The following TAAR5 variants were observed in gnomAD, a reference collection of about 807,000 sequenced individuals.
The protein encoded by TAAR5 is trace amine associated receptor 5, also known as trace amine-associated receptor 5.
TAAR5 carries 27 observed loss-of-function variants against 21.1 expected under a neutral mutation model. That is an observed-to-expected ratio of 1.28 (90% CI 0.94 to 1.76). TAAR5 has a LOEUF of 1.76. Among genes scored for constraint, TAAR5 ranks in the 40% most tolerant of loss-of-function variants. The pLI, the probability that TAAR5 is intolerant of heterozygous loss-of-function variation, is 0.00. For synonymous variants in TAAR5, 203 were observed against 167.5 expected (o/e 1.21, Z -1.64); for missense variants, 495 against 405.6 (o/e 1.22, Z -1.89).
chr6:132,588,639 G>A lies in TAAR5; in HGVS notation c.*34C>T, dbSNP rs750647276. ...ACAGTGCCACTTATCTTTCCTGTGA[G>A]GTCCTACTCCTTGCCTGCATTTAGT... On this transcript the variant is annotated 3_prime_UTR_variant, in exon 1 of 1. Coordinates refer to ENST00000258034, the MANE Select transcript of TAAR5 (RefSeq NM_003967.3). 1.9e-6 allele frequency: 3 copies of A among 1,574,262 alleles called. No individual in the cohort carries two copies. The highest frequency in any genetic ancestry group is 1.7e-5 in the Admixed American group (1 of 57,758).
At chr6:132,601,776 C>A in the TAAR5 span, among the ~76,000 whole-genome samples, 2 of 151,964 alleles carry the variant, frequency 1.3e-5, no homozygotes, top group Non-Finnish European at 2.9e-5. Flanking sequence ...GTAAAACAAC[C>A]AAGATTAAAA....
At chr6:132,604,412 C>T in the TAAR5 span, among the ~76,000 whole-genome samples, 1,480 of 151,916 alleles carry the variant, frequency 9.7e-3, 24 homozygotes, top group African/African-American at 0.034. Flanking sequence ...CAAAATGCTG[C>T]GATTACAGGC....
the TAAR5 span, among the ~76,000 whole-genome samples, chr6:132,601,010 AAGGAAGGG>A: frequency 4.9e-4 from 53 of 108,176 alleles, no homozygotes; most frequent in African/African-American, 1.1e-3. Context: ...GGAGGGAAGG[AAGGAAGGG>A]GGGAAGGAGG....
the TAAR5 span, among the ~76,000 whole-genome samples, chr6:132,603,404 T>C: frequency 6.6e-6 from 1 of 151,586 alleles, no homozygotes; most frequent in Non-Finnish European, 1.5e-5. Context: ...CAATATATGG[T>C]CATTCAAAAC....
Position 132,588,940 on chromosome 6 carries a change from T to G in TAAR5, c.747A>C (p.Lys249Asn), listed in dbSNP as rs1776857182. 2 of 1,613,946 alleles carry G rather than the reference T, an allele frequency of 1.2e-6. No homozygotes were observed. Among genetic ancestry groups the G allele is most frequent in the Admixed American group, 1.7e-5 (1 of 60,004 alleles). ...SLAGAAKHER[K>N]AAKTLGIAVG... ...CAGCAATGCCCAGGGTCTTGGCAGC[T>G]TTTCTCTCATGCTTGGCAGCCCCAG... Residue 249 changes from lysine to asparagine, a missense_variant, in exon 1 of 1, where the codon AAA becomes AAC. Lys to Asn is a moderately conservative substitution (Grantham distance 94, BLOSUM62 0). Transcript: ENST00000258034.
the TAAR5 span, chr6:132,594,985 T>C: frequency 6.6e-6 from 1 of 152,156 alleles, no homozygotes; most frequent in Non-Finnish European, 1.5e-5. Flanking sequence ...TAGAAAGAGT[T>C]CTATGACAGG....
chr6:132,588,708 G>A lies in TAAR5; in HGVS notation c.979C>T (p.Pro327Ser). ...TACAAATCAACAGTGCGTGTCTGCGGTGAGAAGACCTTCTGGCTCAGTGTG... is the reference window on the plus strand; with the variant it reads ...TACAAATCAACAGTGCGTGTCTGCGATGAGAAGACCTTCTGGCTCAGTGTG... The part of the protein sequence containing the change: ...KLTLSQKVFS[P>S]QTRTVDLYQE The change falls in exon 1 of 1, where the codon CCG becomes TCG. Residue 327 changes from proline (P) to serine (S), a missense_variant. Physicochemically the swap from Pro to Ser is moderately conservative, Grantham distance 74. Coordinates refer to ENST00000258034, the MANE Select transcript of TAAR5 (RefSeq NM_003967.3). The A allele has an allele frequency of 6.2e-7, 1 of 1,613,926 alleles. No individual in the cohort carries two copies. The highest frequency in any genetic ancestry group is 8.5e-7 in the Non-Finnish European group (1 of 1,179,946).
chr6:132,612,260 AG>A, the TAAR5 span, among the ~76,000 whole-genome samples: 1 of 152,218 alleles, frequency 6.6e-6, no homozygotes, highest in Non-Finnish European at 1.5e-5. Flanking sequence ...TAAGGCTTCT[AG>A]TATACGCTAG....
chr6:132,615,006 G>T, the TAAR5 span, among the ~76,000 whole-genome samples: 1 of 152,126 alleles, frequency 6.6e-6, no homozygotes, highest in Non-Finnish European at 1.5e-5. Flanking sequence ...TGGGACTACA[G>T]GCACACACCA....
chr6:132,614,024 A>T, the TAAR5 span, among the ~76,000 whole-genome samples: 1 of 152,250 alleles, frequency 6.6e-6, no homozygotes, highest in Admixed American at 6.5e-5. Flanking sequence ...AACAGATAAG[A>T]AAGATCAGCA....
upstream of TAAR5, among the ~76,000 whole-genome samples, chr6:132,593,489 C>T (rs1776935009): frequency 6.6e-6 from 1 of 152,162 alleles, no homozygotes; most frequent in African/African-American, 2.4e-5. Flanking sequence ...GGTTACTCTG[C>T]TCAGCTTAGA....
the TAAR5 span, among the ~76,000 whole-genome samples, chr6:132,616,237 C>G: frequency 6.6e-6 from 1 of 152,144 alleles, no homozygotes; most frequent in Admixed American, 6.5e-5. Flanking sequence ...CTGGTCACAG[C>G]CCATCAGTTA....
chr6:132,597,329 G>T, the TAAR5 span, among the ~76,000 whole-genome samples: 2 of 152,030 alleles, frequency 1.3e-5, no homozygotes, highest in African/African-American at 4.8e-5. Context: ...TATTACATGG[G>T]TGAATTGTTA....
At chr6:132,599,205 A>G in the TAAR5 span, among the ~76,000 whole-genome samples, 1 of 152,184 alleles carries the variant, frequency 6.6e-6, no homozygotes, top group Non-Finnish European at 1.5e-5. Flanking sequence ...TTAGTGTGCC[A>G]TAATTCCAGA....
chr6:132,612,064 T>C, the TAAR5 span, among the ~76,000 whole-genome samples: 1 of 152,218 alleles, frequency 6.6e-6, no homozygotes, highest in East Asian at 1.9e-4. Context: ...TCATTGCCTC[T>C]CTTTATTCTT....
chr6:132,598,160 T>C, the TAAR5 span, among the ~76,000 whole-genome samples: 1 of 152,184 alleles, frequency 6.6e-6, no homozygotes. Context: ...TTCACAGAAA[T>C]AATAATTTTA....
chr6:132,598,307 C>T, the TAAR5 span, among the ~76,000 whole-genome samples: 1 of 152,062 alleles, frequency 6.6e-6, no homozygotes, highest in Non-Finnish European at 1.5e-5. Flanking sequence ...AGAAAATGAC[C>T]CAGATTTATT....
the TAAR5 span, among the ~76,000 whole-genome samples, chr6:132,605,551 T>A: frequency 6.6e-6 from 1 of 152,066 alleles, no homozygotes; most frequent in Admixed American, 6.6e-5. Flanking sequence ...CCTGTACTGC[T>A]CCCTCCCCTC....
chr6:132,605,241 C>T, the TAAR5 span, among the ~76,000 whole-genome samples: 902 of 152,242 alleles, frequency 5.9e-3, 10 homozygotes, highest in Middle Eastern at 0.01. Context: ...AAAGTGTCAA[C>T]GCCAGATAAC....
Sources: gnomAD v4.1 joint callset for allele counts (sites outside exome capture counted in the v4.1 genomes callset) on GRCh38, gnomAD v4.1.1 for gene constraint, MANE v1.5 for transcripts, NCBI Gene and HGNC (gene_info 2026-07-23, HGNC 2026-07-21) for gene names.